Variants in RCC2 observed in about 807,000 individuals in gnomAD.
RCC2 encodes the protein regulator of chromosome condensation 2, also known as protein RCC2.
In RCC2, 19 loss-of-function variants were observed where a neutral mutation model predicts 64.1. The ratio of observed to expected loss-of-function variants is 0.30; its 90% confidence interval spans 0.21 to 0.44. The LOEUF is 0.44. Among genes scored for constraint, RCC2 ranks in the 20% least tolerant of loss-of-function variants. The probability of loss-of-function intolerance (pLI) is 1.00; values close to 1 mark genes in which losing one functional copy is unlikely to be tolerated. For synonymous variants in RCC2, 325 were observed against 279.6 expected, an observed-to-expected ratio of 1.16 and a Z score of -1.62; for missense variants, 508 against 710.4, an observed-to-expected ratio of 0.72 and a Z score of 3.24.
At chr1:17,417,412 A>T (rs1265504972) in intron 7 of RCC2, among the ~76,000 whole-genome samples, 1 of 152,198 alleles carries the variant, frequency 6.6e-6, no homozygotes, top group African/African-American at 2.4e-5. Context: ...CCACGCCTGG[A>T]ATCCCAGCAC....
Position 17,438,245 on chromosome 1 carries a change from G to T in RCC2, c.270C>A (p.His90Gln), listed in dbSNP as rs1176933456. The change falls in exon 2 of 13, where the codon CAC becomes CAA. Residue 90 changes from histidine to glutamine, a missense_variant. Coordinates refer to ENST00000375436, the MANE Select transcript of RCC2 (RefSeq NM_018715.4). Reference sequence around the variant, plus strand: ...CCTCACTCACGACGCGCTCCTTGGTGTGCTCGGGTTCGGTGATGACCACGG... The same window carrying T: ...CCTCACTCACGACGCGCTCCTTGGTTTGCTCGGGTTCGGTGATGACCACGG... ...GAAVVITEPEHTKERVKLEGS... is the reference protein window; with the variant it reads ...GAAVVITEPEQTKERVKLEGS... 7.5e-7 allele frequency: 1 copy of T among 1,327,468 alleles called. No individual in the cohort carries two copies. 82.2% of individuals were successfully genotyped at this position (1,327,468 alleles called of 1,614,324 possible). A position where few individuals can be genotyped will look rare whatever the true frequency, so the allele number is the denominator to read the frequency against.
At chr1:17,438,588 C>G (rs2075770708) in intron 1 of RCC2, 66 bp from the exon 2 acceptor site, 2 of 1,258,906 alleles carry the variant, frequency 1.6e-6, no homozygotes, top group African/African-American at 1.5e-5. Flanking sequence ...GGGAGGGGAG[C>G]GGAGACGAGC....
At position 17,416,729 on chromosome 1, in the gene RCC2, G is replaced by A; in HGVS notation, c.860-83C>T. The A allele has an allele frequency of 2.1e-6, 3 of 1,413,908 alleles. No individual in the cohort carries two copies. The South Asian group carries it at 4.2e-5, about 20-fold the overall frequency. 87.6% of individuals were successfully genotyped at this position (1,413,908 alleles called of 1,614,324 possible). The stretch of plus-strand genomic sequence containing the variant: ...TGTGCTCACACGGACTCTGTAGTGA[G>A]CCCCGGCAGCACCCCAATCTGGCCC... On this transcript the variant is annotated intron_variant, in intron 7 of 12. Coordinates refer to ENST00000375436, the MANE Select transcript of RCC2 (RefSeq NM_018715.4).
chr1:17,428,564 G>A (rs185875239), intron 3 of RCC2, among the ~76,000 whole-genome samples: 2 of 152,306 alleles, frequency 1.3e-5, no homozygotes, highest in African/African-American at 4.8e-5. Context: ...TCTCCTGGAT[G>A]GGCCTTTTCC....
intron 11 of RCC2, among the ~76,000 whole-genome samples, chr1:17,410,896 A>T (rs1366554292): frequency 6.6e-6 from 1 of 152,214 alleles, no homozygotes; most frequent in Non-Finnish European, 1.5e-5. Context: ...GATAGGCCCC[A>T]GAAAACATCC....
intron 12 of RCC2, 52 bp downstream of exon 12, chr1:17,409,922 A>C: frequency 6.9e-7 from 1 of 1,456,934 alleles, no homozygotes; most frequent in Non-Finnish European, 9.6e-7. Context: ...GAGGAGTGAC[A>C]TACCACTGGG....
At chr1:17,429,624 C>T (rs895879327) in intron 2 of RCC2, among the ~76,000 whole-genome samples, 2 of 152,162 alleles carry the variant, frequency 1.3e-5, no homozygotes, top group Non-Finnish European at 2.9e-5. Context: ...GACCTCAAAC[C>T]TTAGGAGCCT....
chr1:17,429,803 C>A (rs1343179788), intron 2 of RCC2, among the ~76,000 whole-genome samples: 1 of 152,172 alleles, frequency 6.6e-6, no homozygotes, highest in African/African-American at 2.4e-5. Flanking sequence ...ACCCTCATGC[C>A]GCTGTCCATG....
intron 4 of RCC2, among the ~76,000 whole-genome samples, chr1:17,425,177 C>T (rs888298964): frequency 2.0e-5 from 3 of 152,180 alleles, no homozygotes; most frequent in Non-Finnish European, 4.4e-5. Flanking sequence ...CATGTCATAT[C>T]GTGCCTCAAA....
At chr1:17,429,251 C>T in intron 2 of RCC2, 52 bp from the exon 3 acceptor site, 1 of 1,403,444 alleles carries the variant, frequency 7.1e-7, no homozygotes, top group Admixed American at 1.7e-5. Flanking sequence ...CTGCACCTAG[C>T]TTTCCAAGGC....
chr1:17,425,447 C>T (rs897247097), intron 4 of RCC2, 94 bp downstream of exon 4: 197 of 1,297,626 alleles, frequency 1.5e-4, no homozygotes, highest in Non-Finnish European at 1.9e-4. Context: ...CCTTATAAGA[C>T]GCGAGTCTCT....
Position 17,408,901 on chromosome 1 carries a change from G to T in RCC2, c.*189C>A. On this transcript the variant is annotated 3_prime_UTR_variant, in exon 13 of 13. Coordinates refer to ENST00000375436, the MANE Select transcript of RCC2 (RefSeq NM_018715.4). Reference sequence around the variant, plus strand: ...CATTAAGGGAAAAAAAAGGACTTTGGAAAGCATACAGAAAAAAAGGTAGTT... The same window carrying T: ...CATTAAGGGAAAAAAAAGGACTTTGTAAAGCATACAGAAAAAAAGGTAGTT... 1 of 536,616 alleles carries T rather than the reference G, an allele frequency of 1.9e-6. No individual in the cohort carries two copies. The allele number at this position is 536,616 out of a possible 1,614,324, so 33.2% of individuals were successfully genotyped here. A position where few individuals can be genotyped will look rare whatever the true frequency, so the allele number is the denominator to read the frequency against.
intron 3 of RCC2, 49 bp from the exon 4 acceptor site, chr1:17,425,733 A>G: frequency 6.4e-7 from 1 of 1,555,622 alleles, no homozygotes. Context: ...TGGTGGGGTG[A>G]CCTCCAAAAT....
chr1:17,422,828 C>T lies in RCC2; in HGVS notation c.532G>A (p.Glu178Lys), dbSNP rs368467306. Residue 178 changes from glutamate (E) to lysine (K), a missense_variant, in exon 5 of 13, where the codon GAG (glutamate) becomes AAG (lysine). Physicochemically the swap from Glu to Lys is moderately conservative, Grantham distance 56 (BLOSUM62 1). Around this residue, in one of 4 missense-constraint regions of RCC2, gnomAD observed 132 missense variants for 207.3 expected, o/e 0.64. Coordinates refer to ENST00000375436, the MANE Select transcript of RCC2 (RefSeq NM_018715.4). ...TCACCATGTCCCAGCTGCCCCTTCT[C>T]ATTTCGACCTGCAGATCACATGAGA... Reference protein sequence around the residue: ...EGKLWSWGRNEKGQLGHGDTK... With the variant: ...EGKLWSWGRNKKGQLGHGDTK... 1 of 1,614,124 alleles carries T rather than the reference C, an allele frequency of 6.2e-7. No individual in the cohort carries two copies. The highest frequency in any genetic ancestry group is 8.5e-7 in the Non-Finnish European group (1 of 1,180,042).
rs899744505 is a variant in RCC2, at chr1:17,408,778, A to T, written c.*312T>A. ...GGGGAGTGTATTCAGGAGAGGAAGA[A>T]AGAAAAAACTTAAAAAAAAAAAAAA... On this transcript the variant is annotated 3_prime_UTR_variant, in exon 13 of 13. Coordinates refer to ENST00000375436, the MANE Select transcript of RCC2 (RefSeq NM_018715.4). 3.5e-6 allele frequency: 1 copy of T among 282,946 alleles called. No homozygotes were observed. Among genetic ancestry groups the T allele is most frequent in the African/African-American group, 2.3e-5 (1 of 44,374 alleles). 17.5% of individuals were successfully genotyped at this position (282,946 alleles called of 1,614,324 possible). A position where few individuals can be genotyped will look rare whatever the true frequency, so the allele number is the denominator to read the frequency against.
Position 17,438,426 on chromosome 1 carries a change from C to A in RCC2, c.89G>T (p.Gly30Val). ...CCGCTCGCGCTTCCTGCCCGCCGGG[C>A]CGCCGCGTTTCCTGGGCCCGGCGCG... ...TARAGPRKRG[G>V]PAGRKRERPE... Residue 30 changes from glycine to valine, a missense_variant, in exon 2 of 13, where the codon GGC (glycine) becomes GTC (valine). Physicochemically the swap from Gly to Val is moderately radical, Grantham distance 109. This residue lies in a region of RCC2 where 195 missense variants were observed against 158.3 expected (regional missense o/e 1.23). Coordinates refer to ENST00000375436, the MANE Select transcript of RCC2 (RefSeq NM_018715.4). 3 of 1,279,238 alleles carry A rather than the reference C, an allele frequency of 2.3e-6. No individual in the cohort carries two copies. Among genetic ancestry groups the A allele is most frequent in the Non-Finnish European group, 2.9e-6 (3 of 1,016,958 alleles). The allele number at this position is 1,279,238 out of a possible 1,614,324, so 79.2% of individuals were successfully genotyped here. A position where few individuals can be genotyped will look rare whatever the true frequency, so the allele number is the denominator to read the frequency against.
chr1:17,413,406 G>A (rs751061009), intron 9 of RCC2, 131 bp downstream of exon 9: 17 of 1,049,982 alleles, frequency 1.6e-5, no homozygotes, highest in Admixed American at 8.3e-5. Context: ...ACAACACAAC[G>A]AGTTCCTGTC....
intron 12 of RCC2, among the ~76,000 whole-genome samples, 187 bp from the exon 13 acceptor site, chr1:17,409,381 AATCAGAGCCTTCCAG>A: frequency 6.6e-6 from 1 of 152,356 alleles, no homozygotes; most frequent in South Asian, 2.1e-4. Context: ...ACGCTCTGCC[AATCAGAGCCTTCCAG>A]GCTGCCCTGG....
At chr1:17,429,376 T>C (rs932993334) in intron 2 of RCC2, among the ~76,000 whole-genome samples, 177 bp from the exon 3 acceptor site, 2 of 152,126 alleles carry the variant, frequency 1.3e-5, no homozygotes, top group African/African-American at 2.4e-5. Flanking sequence ...CAAGTGGCAA[T>C]GCGGGCAACC....
Sources: allele counts gnomAD v4.1 joint callset (sites outside exome capture counted in the v4.1 genomes callset), GRCh38; gene constraint gnomAD v4.1.1; regional missense constraint gnomAD v4.1.1; transcripts MANE v1.5; gene names NCBI Gene and HGNC (gene_info 2026-07-23, HGNC 2026-07-21).